PPP1R9A: variants seen among roughly 807,000 people sequenced by gnomAD.
PPP1R9A encodes neurabin-1.
A neutral mutation model predicts 141.9 loss-of-function variants in PPP1R9A; 59 were observed. The ratio of observed to expected loss-of-function variants is 0.42; its 90% CI spans 0.34 to 0.52. The LOEUF (loss-of-function observed/expected upper bound fraction) is 0.52. PPP1R9A is among the 20% of genes least tolerant of loss of function. The pLI is 0.10. For missense variants in PPP1R9A, 1,444 were observed against 1,611.9 expected, an observed-to-expected ratio of 0.90 and a Z score of 1.78; for synonymous variants, 500 against 569.7, an observed-to-expected ratio of 0.88 and a Z score of 1.74.
chr7:95,205,725 T>A (rs746145421), intron 7 of PPP1R9A, among the ~76,000 whole-genome samples: 2 of 152,162 alleles, frequency 1.3e-5, no homozygotes, highest in Non-Finnish European at 2.9e-5. Flanking sequence ...TTAAGTTTCA[T>A]CTCCTTCACA....
intron 7 of PPP1R9A, among the ~76,000 whole-genome samples, chr7:95,212,712 A>T (rs1421995515): frequency 1.3e-5 from 2 of 152,116 alleles, no homozygotes; most frequent in African/African-American, 2.4e-5. Context: ...TCCTCCTTGT[A>T]TGCCAAGGTT....
At chr7:94,927,603 A>T (rs991668017) in intron 2 of PPP1R9A, among the ~76,000 whole-genome samples, 2 of 152,240 alleles carry the variant, frequency 1.3e-5, no homozygotes, top group African/African-American at 4.8e-5. Flanking sequence ...ATAAAAGTCA[A>T]CAAACATTGA....
chr7:95,073,933 C>T lies in PPP1R9A; in HGVS notation c.1396-37326C>T, dbSNP rs528347852. 4.8e-5 allele frequency among the ~76,000 whole-genome samples: 7 copies of T among 144,946 alleles called. No homozygotes were observed. The East Asian group carries it at 1.2e-3, about 24-fold the overall frequency. On this transcript the variant is annotated intron_variant, in intron 2 of 19. Transcript: ENST00000433360. The stretch of plus-strand genomic sequence containing the variant: ...ATACAAGCATGTTCACACTCACACA[C>T]GCTATTAGGCAACATGAATTTTCAT...
intron 2 of PPP1R9A, among the ~76,000 whole-genome samples, chr7:94,992,027 G>A (rs1801579459): frequency 6.6e-6 from 1 of 152,166 alleles, no homozygotes; most frequent in South Asian, 2.1e-4. Context: ...CCAATGTACT[G>A]CACGTATTTA....
chr7:95,251,508 G>A (rs1448725239), intron 10 of PPP1R9A, among the ~76,000 whole-genome samples: 1 of 152,146 alleles, frequency 6.6e-6, no homozygotes, highest in East Asian at 1.9e-4. Context: ...ATCTAAATAT[G>A]TATGGGTGTT....
intron 2 of PPP1R9A, among the ~76,000 whole-genome samples, chr7:95,043,076 G>A (rs1434495078): frequency 6.6e-6 from 1 of 152,074 alleles, no homozygotes; most frequent in Non-Finnish European, 1.5e-5. Context: ...TAAAAAATGA[G>A]GCTGCTAAAT....
At chr7:95,269,975 A>G (rs1303057323) in intron 14 of PPP1R9A, among the ~76,000 whole-genome samples, 1 of 152,232 alleles carries the variant, frequency 6.6e-6, no homozygotes, top group Non-Finnish European at 1.5e-5. Flanking sequence ...AATTGCTAAT[A>G]TACCTCTCCA....
chr7:95,177,758 CA>C (rs1402535089), intron 5 of PPP1R9A, among the ~76,000 whole-genome samples: 1 of 151,610 alleles, frequency 6.6e-6, no homozygotes, highest in African/African-American at 2.4e-5. Flanking sequence ...AAAGCAACAG[CA>C]ATTAAAAAAA....
chr7:94,922,219 A>G (rs2150731835), intron 2 of PPP1R9A, among the ~76,000 whole-genome samples: 1 of 151,958 alleles, frequency 6.6e-6, no homozygotes. Flanking sequence ...ATTGTTATTC[A>G]GAAAGGGTGT....
chr7:95,169,239 G>A (rs1045198871), intron 5 of PPP1R9A, among the ~76,000 whole-genome samples: 5 of 151,840 alleles, frequency 3.3e-5, no homozygotes, highest in African/African-American at 9.7e-5. Flanking sequence ...TTGTAGCAAC[G>A]TGGATGGGAA....
chr7:95,275,179 G>A (rs547027499), intron 16 of PPP1R9A, among the ~76,000 whole-genome samples: 3 of 152,084 alleles, frequency 2.0e-5, no homozygotes, highest in Non-Finnish European at 2.9e-5. Flanking sequence ...AGGCCAAGGC[G>A]GGTGGATCAC....
intron 4 of PPP1R9A, among the ~76,000 whole-genome samples, chr7:95,141,662 G>A (rs1251515965): frequency 6.6e-6 from 1 of 151,102 alleles, no homozygotes; most frequent in Non-Finnish European, 1.5e-5. Context: ...CTAGAGAAAC[G>A]TTTTCAAGGT....
intron 2 of PPP1R9A, among the ~76,000 whole-genome samples, chr7:95,056,890 C>G (rs1584470950): frequency 6.6e-6 from 1 of 152,014 alleles, no homozygotes; most frequent in African/African-American, 2.4e-5. Context: ...GTCATTCTGC[C>G]AGACCAGTTT....
chr7:95,263,428 C>CTGTTGT (rs796429608), intron 12 of PPP1R9A, among the ~76,000 whole-genome samples: 1 of 43,772 alleles, frequency 2.3e-5, no homozygotes. Context: ...GTTGTTGTTG[C>CTGTTGT]TGTTGTTGTT....
intron 2 of PPP1R9A, among the ~76,000 whole-genome samples, chr7:95,003,224 T>C (rs1803180733): frequency 6.6e-6 from 1 of 152,148 alleles, no homozygotes; most frequent in Non-Finnish European, 1.5e-5. Context: ...TTTTCAGTCA[T>C]CAGATTCAAG....
intron 2 of PPP1R9A, among the ~76,000 whole-genome samples, chr7:95,019,999 A>G (rs901598267): frequency 5.3e-5 from 8 of 152,090 alleles, no homozygotes; most frequent in African/African-American, 1.4e-4. Context: ...TCATACCCAA[A>G]CAGTGGACTC....
Position 94,969,691 on chromosome 7 carries a change from G to A in PPP1R9A, c.1395+58183G>A, listed in dbSNP as rs970095272. Among the ~76,000 whole-genome samples the A allele has an allele frequency of 3.3e-5, 5 of 152,168 alleles. No individual in the cohort carries two copies. The East Asian group carries it at 9.7e-4, about 29-fold the overall frequency. On this transcript the variant is annotated intron_variant, in intron 2 of 19. Coordinates refer to ENST00000433360, the MANE Select transcript of PPP1R9A (RefSeq NM_001166160.2). ...TAAGCACTGTGCTGGGAGACTCCCT[G>A]CTCTCTTCAGAGCTGGCAGGCAGGA... is the stretch of plus-strand genomic sequence containing the variant.
At chr7:94,968,415 A>G (rs1023683932) in intron 2 of PPP1R9A, among the ~76,000 whole-genome samples, 15 of 151,806 alleles carry the variant, frequency 9.9e-5, no homozygotes, top group East Asian at 5.8e-4. Context: ...CTCGTGATCC[A>G]CCCGCCTCGG....
chr7:94,957,648 T>C (rs1458942857), intron 2 of PPP1R9A, among the ~76,000 whole-genome samples: 2 of 152,086 alleles, frequency 1.3e-5, no homozygotes, highest in Admixed American at 6.6e-5. Context: ...CGTTCATCTT[T>C]TAACAAAAGA....
Sources: allele counts gnomAD v4.1 joint callset (sites outside exome capture counted in the v4.1 genomes callset), GRCh38; gene constraint gnomAD v4.1.1; transcripts MANE v1.5; gene names NCBI Gene and HGNC (gene_info 2026-07-23, HGNC 2026-07-21).